The following AK7 variants were observed in gnomAD, a reference collection of about 807,000 sequenced individuals.
AK7 encodes adenylate kinase 7.
Under a neutral mutation model 96.6 loss-of-function variants are expected in AK7, and 78 were observed. That is an observed-to-expected ratio of 0.81 (90% confidence interval 0.67 to 0.97). AK7 has a LOEUF of 0.97. AK7 is among the 50% of genes least tolerant of loss of function. The pLI is 0.00. For synonymous variants in AK7, 302 were observed against 317.2 expected, an observed-to-expected ratio of 0.95 and a Z score of 0.51; for missense variants, 855 against 887.9, an observed-to-expected ratio of 0.96 and a Z score of 0.47.
chr14:96,477,037 T>C (rs1343301618), intron 14 of AK7, among the ~76,000 whole-genome samples: 3 of 152,230 alleles, frequency 2.0e-5, no homozygotes, highest in African/African-American at 7.2e-5. Flanking sequence ...TACCAGCATT[T>C]GAGGCTTCAT....
At chr14:96,442,028 A>G (rs1892986472) in intron 6 of AK7, among the ~76,000 whole-genome samples, 1 of 152,164 alleles carries the variant, frequency 6.6e-6, no homozygotes, top group Admixed American at 6.6e-5. Context: ...AATATCTTAC[A>G]AGACCCAGTG....
At chr14:96,458,360 C>A in intron 12 of AK7, 148 bp downstream of exon 12, 1 of 1,072,906 alleles carries the variant, frequency 9.3e-7, no homozygotes, top group Non-Finnish European at 1.3e-6. Flanking sequence ...CTTTGGGAGT[C>A]TGAGGTGGGA....
At chr14:96,404,972 G>A (rs1890625562) in intron 3 of AK7, 107 bp downstream of exon 3, 1 of 587,526 alleles carries the variant, frequency 1.7e-6, no homozygotes, top group African/African-American at 1.8e-5. Flanking sequence ...TAGAAAAACT[G>A]GTCTGAGACT....
chr14:96,430,436 C>T (rs1892287523), intron 5 of AK7, among the ~76,000 whole-genome samples: 1 of 152,134 alleles, frequency 6.6e-6, no homozygotes, highest in South Asian at 2.1e-4. Context: ...GATCCGCCCA[C>T]CTCTGTCTCC....
chr14:96,439,273 T>G (rs926235772), intron 6 of AK7, among the ~76,000 whole-genome samples: 3 of 151,762 alleles, frequency 2.0e-5, no homozygotes, highest in Non-Finnish European at 4.4e-5. Flanking sequence ...CTTGGAACCC[T>G]CCAATATTGG....
chr14:96,419,390 G>A (rs1051643439), intron 4 of AK7, among the ~76,000 whole-genome samples: 2 of 152,316 alleles, frequency 1.3e-5, no homozygotes, highest in African/African-American at 2.4e-5. Flanking sequence ...ACCATTCTGC[G>A]AGGCCAAGGA....
intron 1 of AK7, 33 bp downstream of exon 1, chr14:96,392,292 C>G (rs758539641): frequency 1.3e-6 from 2 of 1,558,358 alleles, no homozygotes; most frequent in South Asian, 1.1e-5. Context: ...AGCCTCACGC[C>G]AGCTCTCAGC....
At position 96,436,747 on chromosome 14, in the gene AK7, G is replaced by A. The variant is rs147823545; in HGVS notation, c.610-1088G>A. 6.5e-3 allele frequency among the ~76,000 whole-genome samples: 997 copies of A among 152,280 alleles called. 6 individuals carry two copies. Among genetic ancestry groups the A allele is most frequent in the Non-Finnish European group, 0.01 (689 of 68,024 alleles). On this transcript the variant is annotated intron_variant, in intron 5 of 17. Transcript: ENST00000267584. ...GAGTTTTCTGATTGGTGGGTTTGAG[G>A]AGGGCCTGGCCATGTGAGCTTGGCC...
At chr14:96,438,969 G>C (rs1892803291) in intron 6 of AK7, among the ~76,000 whole-genome samples, 1 of 152,204 alleles carries the variant, frequency 6.6e-6, no homozygotes, top group Non-Finnish European at 1.5e-5. Flanking sequence ...AAGGATTTTG[G>C]TCTAAGCAAC....
rs1210508721 is a variant in AK7 at position 96,471,550 on chromosome 14, G to T, written c.1430G>T (p.Gly477Val). 1 of 1,595,948 alleles carries T rather than the reference G, an allele frequency of 6.3e-7. No individual in the cohort carries two copies. The highest frequency in any genetic ancestry group is 8.5e-7 in the Non-Finnish European group (1 of 1,170,926). Residue 477 changes from glycine to valine, a missense_variant, in exon 13 of 18, where the codon GGT (glycine) becomes GTT (valine). Coordinates refer to ENST00000267584, the MANE Select transcript of AK7 (RefSeq NM_152327.5). Reference sequence around the variant, plus strand: ...AAATCAATGCCTTGCAGGAATCAAGGTTATATTTTGGATGGATTCCCAAAG... The same window carrying T: ...AAATCAATGCCTTGCAGGAATCAAGTTTATATTTTGGATGGATTCCCAAAG... ...KLKSMPCRNQGYILDGFPKTY... is the reference protein window; with the variant it reads ...KLKSMPCRNQVYILDGFPKTY...
At chr14:96,457,951 TGC>T (rs1211478630) in intron 11 of AK7, 130 bp from the exon 12 acceptor site, 3 of 1,259,598 alleles carry the variant, frequency 2.4e-6, no homozygotes, top group Non-Finnish European at 3.3e-6. Context: ...TGCAAAATTT[TGC>T]ATGACAGCTG....
chr14:96,471,430 G>T, intron 12 of AK7, 48 bp from the exon 13 acceptor site: 5 of 953,778 alleles, frequency 5.2e-6, no homozygotes, highest in Non-Finnish European at 7.1e-6. Context: ...CTCTTACTTA[G>T]AATGTGATAC....
At chr14:96,427,651 A>C (rs1448643864) in intron 5 of AK7, among the ~76,000 whole-genome samples, 2 of 152,152 alleles carry the variant, frequency 1.3e-5, no homozygotes, top group Non-Finnish European at 2.9e-5. Flanking sequence ...TGGATTGTTG[A>C]TATCTTTCTC....
intron 4 of AK7, among the ~76,000 whole-genome samples, chr14:96,413,587 C>A (rs761878832): frequency 5.9e-5 from 9 of 152,232 alleles, no homozygotes; most frequent in Non-Finnish European, 1.3e-4. Context: ...GTACAGAGCA[C>A]CTGTTCCTGG....
At chr14:96,413,454 C>T (rs1891157161) in intron 4 of AK7, among the ~76,000 whole-genome samples, 1 of 152,184 alleles carries the variant, frequency 6.6e-6, no homozygotes, top group Non-Finnish European at 1.5e-5. Flanking sequence ...CCCTAGCTCC[C>T]TTCGGCAGAG....
At chr14:96,409,773 T>C (rs902351557) in intron 4 of AK7, among the ~76,000 whole-genome samples, 18 of 152,224 alleles carry the variant, frequency 1.2e-4, no homozygotes, top group African/African-American at 4.3e-4. Context: ...AACATTCTCT[T>C]GACTAATGTA....
In AK7 at chr14:96,471,501, A is replaced by T; in HGVS notation, c.1381A>T (p.Ile461Phe). Residue 461 changes from isoleucine (I) to phenylalanine (F), a missense_variant, in exon 13 of 18, where the codon ATT becomes TTT. Coordinates refer to ENST00000267584, the MANE Select transcript of AK7 (RefSeq NM_152327.5). ...AGGTCAACTAGACGATCAATATATA[A>T]TTAGATTTATGAAAGAAAAGCTAAA... ...NAGQLDDQYIIRFMKEKLKSM... is the reference protein window; with the variant it reads ...NAGQLDDQYIFRFMKEKLKSM... 1 of 1,500,836 alleles carries T rather than the reference A, an allele frequency of 6.7e-7. No homozygotes were observed. 93.0% of individuals were successfully genotyped at this position (1,500,836 alleles called of 1,614,324 possible). A position where few individuals can be genotyped will look rare whatever the true frequency, so the allele number is the denominator to read the frequency against.
chr14:96,416,309 G>A (rs982105358), intron 4 of AK7, among the ~76,000 whole-genome samples: 9 of 151,926 alleles, frequency 5.9e-5, no homozygotes, highest in Admixed American at 2.0e-4. Flanking sequence ...ATTGCTTGAA[G>A]CCAGGAGGCA....
chr14:96,456,264 ACT>A, intron 10 of AK7, 81 bp from the exon 11 acceptor site: 2 of 801,938 alleles, frequency 2.5e-6, no homozygotes, highest in Non-Finnish European at 1.7e-6. Context: ...AAAAAAAAGC[ACT>A]CCCCTGAAAT....
Sources: allele counts gnomAD v4.1 joint callset (sites outside exome capture counted in the v4.1 genomes callset), GRCh38; gene constraint gnomAD v4.1.1; transcripts MANE v1.5; gene names NCBI Gene and HGNC (gene_info 2026-07-23, HGNC 2026-07-21).